ZNF674: variants seen among roughly 807,000 people sequenced by gnomAD.
ZNF674 encodes zinc finger protein 674.
Under a neutral mutation model 7.0 loss-of-function variants are expected in ZNF674, and 2 were observed. That is an observed-to-expected ratio of 0.29 (90% CI 0.12 to 0.90). The LOEUF (loss-of-function observed/expected upper bound fraction) is 0.90, where lower values mean the gene tolerates loss of function less well. ZNF674 is among the 40% of genes least tolerant of loss of function. The pLI, the probability that ZNF674 is intolerant of heterozygous loss-of-function variation, is 0.57. For missense variants in ZNF674, 297 were observed against 415.5 expected (o/e 0.71, Z 2.48); for synonymous variants, 103 against 145.2 (o/e 0.71, Z 2.09).
chrX:46,507,706 T>G (rs774101159), intron 5 of ZNF674, among the ~76,000 whole-genome samples: 11 of 111,886 alleles, frequency 9.8e-5, no homozygotes, highest in Admixed American at 2.9e-4. Flanking sequence ...ATTGGGACTA[T>G]TGGGAAACAA....
intron 3 of ZNF674, among the ~76,000 whole-genome samples, chrX:46,537,734 T>C (rs1942225398): frequency 8.9e-6 from 1 of 112,361 alleles, no homozygotes; most frequent in African/African-American, 3.2e-5. Context: ...AACATTTTAA[T>C]ACAGTCTAAT....
At chrX:46,503,778 A>G (rs1025074119) in intron 5 of ZNF674, among the ~76,000 whole-genome samples, 20 of 112,414 alleles carry the variant, frequency 1.8e-4, no homozygotes, top group Middle Eastern at 4.6e-3. Flanking sequence ...TTAAATATAC[A>G]TGGCAAATTG....
intron 5 of ZNF674, among the ~76,000 whole-genome samples, chrX:46,519,248 AGATAGATAGATAGAT>A (rs1569476194): frequency 5.4e-5 from 4 of 74,028 alleles, no homozygotes; most frequent in Admixed American, 1.6e-4. Flanking sequence ...ATAGATAGAT[AGATAGATAGATAGAT>A]AAAGATAGAT....
chrX:46,545,327 C>T (rs1204382528), intron 1 of ZNF674, 44 bp downstream of exon 1: 1 of 111,816 alleles, frequency 8.9e-6, no homozygotes, highest in Non-Finnish European at 1.9e-5. Context: ...TCCCGTCCCC[C>T]CTTCCCCCGA....
intron 3 of ZNF674, among the ~76,000 whole-genome samples, chrX:46,533,829 A>AAAAATAT (rs1415090691): frequency 2.7e-4 from 18 of 65,541 alleles, no homozygotes; most frequent in African/African-American, 1.3e-3. Context: ...AAAAAAAAAA[A>AAAAATAT]ATATATATAT....
At position 46,500,548 on chromosome X, in the gene ZNF674, T is replaced by C. The variant is rs777476294; in HGVS notation, c.1026A>G (p.Ile342Met). The C allele has an allele frequency of 1.7e-6, 2 of 1,210,177 alleles. No homozygotes were observed. Among genetic ancestry groups the C allele is most frequent in the Non-Finnish European group, 2.2e-6 (2 of 894,774 alleles). The change falls in exon 6 of 6, where the codon ATA (isoleucine) becomes ATG (methionine). Residue 342 changes from isoleucine (I) to methionine (M), a missense_variant. Transcript: ENST00000683375. ...TCTCACTTGTGTGAATTCTTTGATA[T>C]ATAAGGCTGGACGTAGTACATTTAA... is the stretch of plus-strand genomic sequence containing the variant. Reference protein sequence around the residue: ...KGIKCTTSSLIYQRIHTSEKP... With the variant: ...KGIKCTTSSLMYQRIHTSEKP...
intron 3 of ZNF674, among the ~76,000 whole-genome samples, chrX:46,539,140 G>A (rs1005307179): frequency 2.7e-5 from 3 of 112,103 alleles, no homozygotes; most frequent in South Asian, 3.7e-4. Flanking sequence ...AGCTGTGATC[G>A]TGCCACCATA....
At chrX:46,518,382 T>C (rs1214643474) in intron 5 of ZNF674, among the ~76,000 whole-genome samples, 1 of 111,508 alleles carries the variant, frequency 9.0e-6, no homozygotes, top group Non-Finnish European at 1.9e-5. Flanking sequence ...TTACTTGAAG[T>C]ATTAAACTAT....
At chrX:46,533,332 G>A (rs1942141521) in intron 3 of ZNF674, among the ~76,000 whole-genome samples, 1 of 111,058 alleles carries the variant, frequency 9.0e-6, no homozygotes, top group African/African-American at 3.3e-5. Flanking sequence ...TTCGGAGATT[G>A]ATTTGAGTAA....
intron 5 of ZNF674, among the ~76,000 whole-genome samples, chrX:46,501,907 G>GTT (rs1024136685): frequency 4.1e-5 from 4 of 97,346 alleles, no homozygotes; most frequent in African/African-American, 1.5e-4. Context: ...AGCCCTTGCA[G>GTT]TTATATATAT....
chrX:46,544,284 C>T (rs1179545249), intron 2 of ZNF674, among the ~76,000 whole-genome samples: 3 of 113,094 alleles, frequency 2.7e-5, no homozygotes, highest in African/African-American at 6.4e-5. Context: ...AAGGCCACTA[C>T]GGGTCCAGCT....
At position 46,507,180 on chromosome X, in the gene ZNF674, G is replaced by A. The variant is rs149974570; in HGVS notation, c.239-5845C>T. 7.0e-4 allele frequency among the ~76,000 whole-genome samples: 77 copies of A among 110,733 alleles called. 1 individual carries two copies. The highest frequency in any genetic ancestry group is 2.4e-3 in the African/African-American group (72 of 30,480). On this transcript the variant is annotated intron_variant, in intron 5 of 5. Coordinates refer to ENST00000683375, the MANE Select transcript of ZNF674 (RefSeq NM_001190417.2). The stretch of plus-strand genomic sequence containing the variant: ...TAGACTCTCAGTCCAGTGAGACCCC[G>A]TCTCTATGAAAAACTTAAAAAATTA...
chrX:46,532,411 T>C (rs928412876), intron 3 of ZNF674, among the ~76,000 whole-genome samples: 1 of 112,037 alleles, frequency 8.9e-6, no homozygotes, highest in Non-Finnish European at 1.9e-5. Flanking sequence ...TAGTTCTTAG[T>C]TTAAAACATG....
Position 46,528,365 on chromosome X carries a change from C to T in ZNF674, c.223G>A (p.Val75Ile). 1 of 1,211,707 alleles carries T rather than the reference C, an allele frequency of 8.3e-7. No individual in the cohort carries two copies. The highest frequency in any genetic ancestry group is 1.1e-6 in the Non-Finnish European group (1 of 895,485). The change falls in exon 5 of 6, where the codon GTA becomes ATA. Residue 75 changes from valine (V) to isoleucine (I), a missense_variant. Coordinates refer to ENST00000683375, the MANE Select transcript of ZNF674 (RefSeq NM_001190417.2). ...CTGTCCTCACCTGCACAGGTCCGTA[C>T]CGGGGTCCCTCCATCTGCCATCCAG... ...ESWMADGGTP[V>I]RTCAEVWEVD...
chrX:46,528,140 T>C (rs1942041227), intron 5 of ZNF674: 1 of 480,813 alleles, frequency 2.1e-6, no homozygotes, highest in Admixed American at 3.1e-5. Context: ...CCACAATCTA[T>C]GTGAATGCCA....
chrX:46,525,046 GAGA>G (rs1267000755), intron 5 of ZNF674, among the ~76,000 whole-genome samples: 2 of 110,219 alleles, frequency 1.8e-5, no homozygotes, highest in African/African-American at 3.3e-5. Context: ...AAAAATAAAG[GAGA>G]AGAAGTATGA....
chrX:46,519,255 T>TA (rs1198982466), intron 5 of ZNF674, among the ~76,000 whole-genome samples: 2,351 of 73,590 alleles, frequency 0.032, 46 homozygotes, highest in Middle Eastern at 0.049. Context: ...GATAGATAGA[T>TA]AGATAGATAA....
At chrX:46,504,830 T>C (rs1342895420) in intron 5 of ZNF674, among the ~76,000 whole-genome samples, 1 of 111,224 alleles carries the variant, frequency 9.0e-6, no homozygotes, top group Non-Finnish European at 1.9e-5. Context: ...AAAATGGGAC[T>C]TCAACTTTAT....
In ZNF674 at chrX:46,501,274, C is replaced by T; in HGVS notation, c.300G>A (p.Trp100Ter). ...HYKESQDKFL[W>*]QAAFIGKETL... Reference sequence around the variant, plus strand: ...TTTCCTTGCCTATGAATGCAGCTTGCCACAGAAATTTGTCTTGGCTTTCCT... The same window carrying T: ...TTTCCTTGCCTATGAATGCAGCTTGTCACAGAAATTTGTCTTGGCTTTCCT... Residue 100 changes from tryptophan to a stop codon, truncating the protein, a stop_gained, in exon 6 of 6, where the codon TGG (tryptophan) becomes TGA (stop). Coordinates refer to ENST00000683375, the MANE Select transcript of ZNF674 (RefSeq NM_001190417.2). LOFTEE classifies it low-confidence loss of function (END_TRUNC). 8.3e-7 allele frequency: 1 copy of T among 1,211,407 alleles called. No individual in the cohort carries two copies. The highest frequency in any genetic ancestry group is 1.1e-6 in the Non-Finnish European group (1 of 895,215).
Sources: gnomAD v4.1 joint callset for allele counts (sites outside exome capture counted in the v4.1 genomes callset) on GRCh38, gnomAD v4.1.1 for gene constraint, MANE v1.5 for transcripts, NCBI Gene and HGNC (gene_info 2026-07-23, HGNC 2026-07-21) for gene names.